The following CCDC14 variants were observed in gnomAD, a reference collection of about 807,000 sequenced individuals.
CCDC14 encodes the protein coiled-coil domain-containing protein 14.
CCDC14 carries 71 observed loss-of-function variants against 81.4 expected under a neutral mutation model. The ratio of observed to expected loss-of-function variants is 0.87; its 90% confidence interval spans 0.72 to 1.06. CCDC14 has a LOEUF of 1.06. Ranked by LOEUF, CCDC14 falls within the 50% of genes least tolerant of loss-of-function variation. The pLI is 0.00. For missense variants in CCDC14, 1,046 were observed against 1,047.3 expected, an observed-to-expected ratio of 1.00 and a Z score of 0.02; for synonymous variants, 332 against 364.8, an observed-to-expected ratio of 0.91 and a Z score of 1.03.
At chr3:123,936,598 T>C (rs1025904948) in intron 9 of CCDC14, among the ~76,000 whole-genome samples, 1 of 151,978 alleles carries the variant, frequency 6.6e-6, no homozygotes, top group African/African-American at 2.4e-5. Context: ...CAAAAGCAAA[T>C]ACCACATTCT....
At chr3:123,919,205 T>G (rs964081797) in intron 12 of CCDC14, among the ~76,000 whole-genome samples, 1 of 151,816 alleles carries the variant, frequency 6.6e-6, no homozygotes, top group African/African-American at 2.4e-5. Context: ...GCTGTACATA[T>G]AGTTTCCTGA....
At chr3:123,917,578 A>C (rs1022581447) in intron 12 of CCDC14, among the ~76,000 whole-genome samples, 20 of 152,156 alleles carry the variant, frequency 1.3e-4, no homozygotes, top group African/African-American at 4.8e-4. Context: ...GTAACTAACA[A>C]AAAAATACCA....
Position 123,913,916 on chromosome 3 carries a change from C to T in CCDC14, c.*863G>A. ...ATAGAGAAGCAGAGAGACCAACCTACTTCATATTATTTATAAAATAGAGAA... is the reference window on the plus strand; with the variant it reads ...ATAGAGAAGCAGAGAGACCAACCTATTTCATATTATTTATAAAATAGAGAA... On this transcript the variant is annotated 3_prime_UTR_variant, in exon 13 of 13. Coordinates refer to ENST00000409697, the MANE Select transcript of CCDC14 (RefSeq NM_001366335.1). 1.0e-6 allele frequency: 1 copy of T among 985,042 alleles called. No homozygotes were observed. Among genetic ancestry groups the T allele is most frequent in the Non-Finnish European group, 1.2e-6 (1 of 829,488 alleles). The allele number at this position is 985,042 out of a possible 1,614,324, so 61.0% of individuals were successfully genotyped here. A position where few individuals can be genotyped will look rare whatever the true frequency, so the allele number is the denominator to read the frequency against.
At chr3:123,956,668 G>A (rs2037344084) in intron 2 of CCDC14, 72 bp downstream of exon 2, 12 of 1,238,052 alleles carry the variant, frequency 9.7e-6, no homozygotes, top group Middle Eastern at 1.9e-4. Context: ...TGGGGTAGAC[G>A]ACATGTCATC....
intron 9 of CCDC14, among the ~76,000 whole-genome samples, chr3:123,938,166 T>C (rs1170718661): frequency 6.6e-6 from 1 of 151,832 alleles, no homozygotes; most frequent in East Asian, 1.9e-4. Context: ...TTAAATATTT[T>C]TAAAAAGCAT....
At chr3:123,915,819 T>G (rs1441311662) in intron 12 of CCDC14, 101 bp from the exon 13 acceptor site, 1 of 894,404 alleles carries the variant, frequency 1.1e-6, no homozygotes, top group Non-Finnish European at 1.6e-6. Context: ...GAGAGAAGTG[T>G]CTGGTTCTTA....
At chr3:123,924,099 A>G (rs886530875) in intron 12 of CCDC14, among the ~76,000 whole-genome samples, 26 of 152,150 alleles carry the variant, frequency 1.7e-4, no homozygotes, top group Admixed American at 1.4e-3. Flanking sequence ...GCATAAAAAC[A>G]GACATGCTGA....
intron 12 of CCDC14, among the ~76,000 whole-genome samples, chr3:123,919,064 C>A (rs182893364): frequency 6.6e-6 from 1 of 152,064 alleles, no homozygotes; most frequent in Admixed American, 6.5e-5. Context: ...AGAGGGCGAG[C>A]GGTAACCCCA....
At chr3:123,890,147 G>A in the CCDC14 span, among the ~76,000 whole-genome samples, 2,260 of 152,104 alleles carry the variant, frequency 0.015, 71 homozygotes, top group African/African-American at 0.052. Context: ...AACAGCACAG[G>A]AAGGACCCAT....
intron 1 of CCDC14, 78 bp downstream of exon 1, chr3:123,961,065 GT>G: frequency 7.9e-7 from 1 of 1,263,208 alleles, no homozygotes. Flanking sequence ...TTCGAGCAGA[GT>G]TTTACAAGTT....
chr3:123,949,517 T>C (rs770879636), intron 5 of CCDC14: 54 of 176,434 alleles, frequency 3.1e-4, no homozygotes, highest in Non-Finnish European at 1.7e-4. Flanking sequence ...GGAAAGAGAA[T>C]AGTTTGTACA....
chr3:123,935,081 T>A (rs2035982835), intron 9 of CCDC14, among the ~76,000 whole-genome samples: 1 of 152,096 alleles, frequency 6.6e-6, no homozygotes, highest in African/African-American at 2.4e-5. Context: ...AAAGAACTCC[T>A]ACAAATCAGT....
In CCDC14 at chr3:123,915,210, CTAGCTGTGTTG is replaced by C; in HGVS notation, c.2276_2286del (p.Thr759SerfsTer14). 10 of 1,613,756 alleles carry C rather than the reference CTAGCTGTGTTG, an allele frequency of 6.2e-6. No individual in the cohort carries two copies. Among genetic ancestry groups the C allele is most frequent in the Non-Finnish European group, 8.5e-6 (10 of 1,179,746 alleles). On this transcript the variant is annotated frameshift_variant, in exon 13 of 13. Transcript: ENST00000409697. LOFTEE classifies it low-confidence loss of function (END_TRUNC). ...GAGACAGCAAGTCCGCTGTTGCTGA[CTAGCTGTGTTG>C]TAGCTGCTCTTATTTGTGGCTGAGG...
intron 9 of CCDC14, among the ~76,000 whole-genome samples, chr3:123,941,209 C>G (rs1051707620): frequency 6.6e-6 from 1 of 151,912 alleles, no homozygotes; most frequent in African/African-American, 2.4e-5. Context: ...ATTAATGGGG[C>G]ACCACAGACA....
rs371205068 is a variant in CCDC14, at chr3:123,948,880, C to G, written c.589+16G>C. On this transcript the variant is annotated intron_variant, in intron 6 of 12. Coordinates refer to ENST00000409697, the MANE Select transcript of CCDC14 (RefSeq NM_001366335.1). ...AGAACTTACACTCACGATTTTTAAA[C>G]AGCATTCGTACTCACCAGAATGAGA... 1.3e-4 allele frequency: 205 copies of G among 1,599,820 alleles called. No homozygotes were observed. Among genetic ancestry groups the G allele is most frequent in the Admixed American group, 3.6e-4 (21 of 58,874 alleles).
intron 1 of CCDC14, chr3:123,958,032 T>G (rs1325465707): frequency 1.3e-5 from 2 of 152,120 alleles, no homozygotes; most frequent in Non-Finnish European, 2.9e-5. Context: ...GAGAATACAT[T>G]TTTTAAAAAC....
In CCDC14 at chr3:123,914,458, G is replaced by A; in HGVS notation, c.*321C>T. On this transcript the variant is annotated 3_prime_UTR_variant, in exon 13 of 13. Coordinates refer to ENST00000409697, the MANE Select transcript of CCDC14 (RefSeq NM_001366335.1). ...CCCATTATTTCTTAGGACAGCCACA[G>A]AACTATTTCAACCTGTACCCTTAAT... 2.0e-6 allele frequency: 2 copies of A among 1,000,096 alleles called. No individual in the cohort carries two copies. The highest frequency in any genetic ancestry group is 2.4e-6 in the Non-Finnish European group (2 of 840,392). The allele number at this position is 1,000,096 out of a possible 1,614,324, so 62.0% of individuals were successfully genotyped here. A position where few individuals can be genotyped will look rare whatever the true frequency, so the allele number is the denominator to read the frequency against.
chr3:123,888,004 T>G, the CCDC14 span, among the ~76,000 whole-genome samples: 2 of 152,136 alleles, frequency 1.3e-5, no homozygotes, highest in Non-Finnish European at 2.9e-5. Context: ...TATATTTATG[T>G]GTTCTTGTGT....
In CCDC14 at chr3:123,946,876, C is replaced by G; in HGVS notation, c.1128G>C (p.Val376=). Residue 376 remains valine, a synonymous_variant, in exon 8 of 13, where the codon GTG becomes GTC. Coordinates refer to ENST00000409697, the MANE Select transcript of CCDC14 (RefSeq NM_001366335.1). ...TTCTAACTTTTTCAGCTGTCTTGTT[C>G]ACATTTTTTGCCTTCTGTACATCCT... The part of the protein sequence containing the change: ...TVKDVQKAKN[V]NKTAEKVRII... 6.2e-7 allele frequency: 1 copy of G among 1,613,910 alleles called. No individual in the cohort carries two copies. Among genetic ancestry groups the G allele is most frequent in the Admixed American group, 1.7e-5 (1 of 60,004 alleles).
Sources: gnomAD v4.1 joint callset for allele counts (sites outside exome capture counted in the v4.1 genomes callset) on GRCh38, gnomAD v4.1.1 for gene constraint, MANE v1.5 for transcripts, NCBI Gene and HGNC (gene_info 2026-07-23, HGNC 2026-07-21) for gene names.